The following PRSS27 variants were observed in gnomAD, a reference collection of about 807,000 sequenced individuals.
PRSS27 encodes channel-activating protease 2.
Under a neutral mutation model 32.0 loss-of-function variants are expected in PRSS27, and 25 were observed. The ratio of observed to expected loss-of-function variants is 0.78; its 90% CI spans 0.57 to 1.09. PRSS27 has a LOEUF of 1.09. Ranked by LOEUF, PRSS27 falls within the 50% of genes least tolerant of loss-of-function variation. The pLI is 0.00. For synonymous variants in PRSS27, 178 were observed against 172.2 expected (o/e 1.03, Z -0.26); for missense variants, 401 against 394.9 (o/e 1.02, Z -0.13).
chr16:2,713,111 T>TTTC, intron 5 of PRSS27: 1 of 487,914 alleles, frequency 2.0e-6, no homozygotes, highest in Admixed American at 3.7e-5. Flanking sequence ...CTTTTTTTTT[T>TTTC]TTATTGAGAC....
In PRSS27 at chr16:2,712,540, G is replaced by T. The variant is rs2067668132; in HGVS notation, c.*80C>A. The T allele has an allele frequency of 3.9e-6, 5 of 1,285,348 alleles. No homozygotes were observed. Among genetic ancestry groups the T allele is most frequent in the East Asian group, 2.6e-5 (1 of 38,568 alleles). The allele number at this position is 1,285,348 out of a possible 1,614,324, so 79.6% of individuals were successfully genotyped here. ...TGGGGCTCACAGGTGCAACAGCAGCGCTGGGAGGACCAGCAGGATGGTGTG... is the reference window on the plus strand; with the variant it reads ...TGGGGCTCACAGGTGCAACAGCAGCTCTGGGAGGACCAGCAGGATGGTGTG... On this transcript the variant is annotated 3_prime_UTR_variant, in exon 6 of 6. Coordinates refer to ENST00000302641, the MANE Select transcript of PRSS27 (RefSeq NM_031948.5). The surrounding 1 kb of genome is among the most constrained non-coding windows in gnomAD (Gnocchi z 4.6).
At chr16:2,718,210 G>GT (rs2142068305) in intron 1 of PRSS27, 1 of 151,930 alleles carries the variant, frequency 6.6e-6, no homozygotes, top group South Asian at 2.1e-4. Flanking sequence ...CCTTCCTAAA[G>GT]TAGCCCTGTA....
At chr16:2,720,047 G>T in intron 1 of PRSS27, 68 bp downstream of exon 1, 1 of 1,396,044 alleles carries the variant, frequency 7.2e-7, no homozygotes, top group Non-Finnish European at 9.9e-7. Flanking sequence ...CTGAGCCGGA[G>T]CCCCAGGCAG....
At chr16:2,718,717 C>A (rs1304137382) in intron 1 of PRSS27, among the ~76,000 whole-genome samples, 1 of 152,194 alleles carries the variant, frequency 6.6e-6, no homozygotes, top group Non-Finnish European at 1.5e-5. Context: ...AAGCCCTATA[C>A]TCTCTCTTGA....
At chr16:2,716,552 C>T (rs1389355073) in intron 1 of PRSS27, 26 bp from the exon 2 acceptor site, 1 of 1,591,358 alleles carries the variant, frequency 6.3e-7, no homozygotes. Flanking sequence ...GGGTGATCAG[C>T]CAGGCCAGCT....
intron 1 of PRSS27, among the ~76,000 whole-genome samples, chr16:2,719,412 T>C (rs1199384531): frequency 6.6e-6 from 1 of 152,050 alleles, no homozygotes; most frequent in East Asian, 1.9e-4. Flanking sequence ...CAGGGAAGTG[T>C]GGTGGCTGCC....
In PRSS27 at chr16:2,714,574, T is replaced by A; in HGVS notation, c.237-238A>T. On this transcript the variant is annotated intron_variant, in intron 3 of 5. Coordinates refer to ENST00000302641, the MANE Select transcript of PRSS27 (RefSeq NM_031948.5). The surrounding 1 kb of genome is among the most constrained non-coding windows in gnomAD (Gnocchi z 4.7). Reference sequence around the variant, plus strand: ...CGCTGTGTGGCCTTGGGCAAGTCACTTAACAAGTTCTCTGTGATGCAGCTT... The same window carrying A: ...CGCTGTGTGGCCTTGGGCAAGTCACATAACAAGTTCTCTGTGATGCAGCTT... The A allele has an allele frequency of 1.0e-5, 6 of 579,248 alleles. No homozygotes were observed. In the South Asian group the frequency reaches 1.2e-4, roughly 11 times the overall value. The allele number at this position is 579,248 out of a possible 1,614,324, so 35.9% of individuals were successfully genotyped here.
chr16:2,716,744 T>G (rs901437945), intron 1 of PRSS27: 3 of 577,670 alleles, frequency 5.2e-6, no homozygotes, highest in Non-Finnish European at 9.3e-6. Flanking sequence ...ACAGCTTATC[T>G]GCAAGGGTGG....
At chr16:2,716,231 A>C (rs1018756841) in intron 2 of PRSS27, 1 of 581,668 alleles carries the variant, frequency 1.7e-6, no homozygotes. Flanking sequence ...GGAGCCACCC[A>C]GAGGGGGCCA....
intron 1 of PRSS27, among the ~76,000 whole-genome samples, chr16:2,719,719 T>C (rs2067723522): frequency 6.6e-6 from 1 of 152,086 alleles, no homozygotes; most frequent in African/African-American, 2.4e-5. Flanking sequence ...AGTATGATGG[T>C]CCAGGCACTT....
In PRSS27 at chr16:2,713,630, G is replaced by C. The variant is rs2067680220; in HGVS notation, c.577C>G (p.Leu193Val). Residue 193 changes from leucine to valine, a missense_variant, in exon 5 of 6, where the codon CTG becomes GTG. Transcript: ENST00000302641. Reference sequence around the variant, plus strand: ...AACTCGGTGTCTTTGCTGTAGAGCAGGTTGCACTTGGGTGTGTCGATGATG... The same window carrying C: ...AACTCGGTGTCTTTGCTGTAGAGCACGTTGCACTTGGGTGTGTCGATGATG... ...VPIIDTPKCN[L>V]LYSKDTEFGY... 6.2e-7 allele frequency: 1 copy of C among 1,614,118 alleles called. No homozygotes were observed. The highest frequency in any genetic ancestry group is 1.3e-5 in the African/African-American group (1 of 74,932).
At chr16:2,715,697 G>A (rs970074022) in intron 3 of PRSS27, 21 bp downstream of exon 3, 6 of 1,511,724 alleles carry the variant, frequency 4.0e-6, no homozygotes, top group Non-Finnish European at 5.3e-6. Context: ...TATGGGCGGG[G>A]GCAGGGGCGG....
rs1343771884 is a variant in PRSS27 at position 2,712,945 on chromosome 16, C to T, written c.679-131G>A. On this transcript the variant is annotated intron_variant, in intron 5 of 5. Transcript: ENST00000302641. This position sits in a 1 kb window ranked among gnomAD's most constrained non-coding sequence, Gnocchi z 4.6. The stretch of plus-strand genomic sequence containing the variant: ...TCCCAGAGCCTCTCTGCCCGGCTCC[C>T]CATCCCCTGCCAGTCCGATTGTCTA... The T allele has an allele frequency of 1.5e-6, 1 of 689,388 alleles. No homozygotes were observed. Among genetic ancestry groups the T allele is most frequent in the South Asian group, 2.1e-5 (1 of 48,622 alleles). The allele number at this position is 689,388 out of a possible 1,614,324, so 42.7% of individuals were successfully genotyped here.
chr16:2,716,699 G>C (rs2067704518), intron 1 of PRSS27, 173 bp from the exon 2 acceptor site: 1 of 656,930 alleles, frequency 1.5e-6, no homozygotes, highest in Non-Finnish European at 2.7e-6. Context: ...CCCAGGGCTG[G>C]CTCTGCCGTA....
At chr16:2,713,823 C>G (rs1384062299) in intron 4 of PRSS27, 125 bp from the exon 5 acceptor site, 18 of 1,144,344 alleles carry the variant, frequency 1.6e-5, no homozygotes, top group Non-Finnish European at 2.3e-5. Context: ...GCTTAGGGCA[C>G]TGTGGGGCAG....
Position 2,712,848 on chromosome 16 carries a change from C to G in PRSS27, c.679-34G>C, listed in dbSNP as rs2067671706. 1.4e-6 allele frequency: 2 copies of G among 1,462,728 alleles called. No homozygotes were observed. Among genetic ancestry groups the G allele is most frequent in the African/African-American group, 1.4e-5 (1 of 70,552 alleles). 90.6% of individuals were successfully genotyped at this position (1,462,728 alleles called of 1,614,324 possible). A position where few individuals can be genotyped will look rare whatever the true frequency, so the allele number is the denominator to read the frequency against. The stretch of plus-strand genomic sequence containing the variant: ...GACGCAGAGTCACCGTCAGAGCCCA[C>G]CTTGAGTTCCCAGAGACTCAGTTGC... On this transcript the variant is annotated intron_variant, in intron 5 of 5. Transcript: ENST00000302641. The surrounding 1 kb of genome is among the most constrained non-coding windows in gnomAD (Gnocchi z 4.6).
At chr16:2,715,487 G>A in intron 3 of PRSS27, 1 of 503,008 alleles carries the variant, frequency 2.0e-6, no homozygotes, top group Non-Finnish European at 3.5e-6. Flanking sequence ...GGATGGAGGG[G>A]GTCGGGGGGC....
Position 2,713,426 on chromosome 16 carries a change from C to T in PRSS27, c.678+103G>A, listed in dbSNP as rs1341835020. The T allele has an allele frequency of 5.5e-6, 7 of 1,261,554 alleles. No individual in the cohort carries two copies. The Admixed American group carries it at 1.0e-4, about 18-fold the overall frequency. 78.1% of individuals were successfully genotyped at this position (1,261,554 alleles called of 1,614,324 possible). A position where few individuals can be genotyped will look rare whatever the true frequency, so the allele number is the denominator to read the frequency against. On this transcript the variant is annotated intron_variant, in intron 5 of 5. Transcript: ENST00000302641. Reference sequence around the variant, plus strand: ...GAATCTGCCTTTTCAAAACAAGCTGCTCAGCTGGTTGAATGCATAGCCCAT... The same window carrying T: ...GAATCTGCCTTTTCAAAACAAGCTGTTCAGCTGGTTGAATGCATAGCCCAT...
Position 2,716,681 on chromosome 16 carries a change from GT to G in PRSS27, c.47-156del, listed in dbSNP as rs1280905018. The stretch of plus-strand genomic sequence containing the variant: ...TCACCGGAGAGCCCAAGGGCCTGCA[GT>G]TTCCCCCCCAGGGCTGGCTCTGCCG... On this transcript the variant is annotated intron_variant, in intron 1 of 5. Transcript: ENST00000302641. 6 of 726,130 alleles carry G rather than the reference GT, an allele frequency of 8.3e-6. No homozygotes were observed. The Admixed American group carries it at 1.4e-4, about 17-fold the overall frequency. 45.0% of individuals were successfully genotyped at this position (726,130 alleles called of 1,614,324 possible).
Sources: allele counts gnomAD v4.1 joint callset (sites outside exome capture counted in the v4.1 genomes callset), GRCh38; gene constraint gnomAD v4.1.1; non-coding constraint Gnocchi (gnomAD v3.1); transcripts MANE v1.5; gene names NCBI Gene and HGNC (gene_info 2026-07-23, HGNC 2026-07-21).